TAC3: variants seen among roughly 807,000 people sequenced by gnomAD.
TAC3 encodes the protein tachykinin-3.
Under a neutral mutation model 16.5 loss-of-function variants are expected in TAC3, and 9 were observed. The observed-to-expected ratio is 0.55, with a 90% CI of 0.33 to 0.95. TAC3 has a LOEUF of 0.95. Among genes scored for constraint, TAC3 ranks in the 40% least tolerant of loss-of-function variants. TAC3 has a pLI of 0.03. For synonymous variants in TAC3, 52 were observed against 56.7 expected (o/e 0.92, Z 0.37); for missense variants, 129 against 149.1 (o/e 0.87, Z 0.70).
chr12:57,012,937 A>G, intron 4 of TAC3, 62 bp from the exon 5 acceptor site: 1 of 1,598,672 alleles, frequency 6.3e-7, no homozygotes, highest in Non-Finnish European at 8.6e-7. Flanking sequence ...CTCCCCAGAC[A>G]TGGGTCAACA....
In TAC3 at chr12:57,015,722, G is replaced by T. The variant is rs1246643864; in HGVS notation, c.76C>A (p.Pro26Thr). The change falls in exon 2 of 7, where the codon CCA becomes ACA. Residue 26 changes from proline to threonine, a missense_variant. Coordinates refer to ENST00000458521, the MANE Select transcript of TAC3 (RefSeq NM_013251.4). The stretch of plus-strand genomic sequence containing the variant: ...CCGCCAGGAACCACCTCCTCCTGTG[G>T]CTCCTTACAGACAGCCCCAAAGCTC... Reference protein sequence around the residue: ...AQSFGAVCKEPQEEVVPGGGR... With the variant: ...AQSFGAVCKETQEEVVPGGGR... The T allele has an allele frequency of 6.2e-7, 1 of 1,614,080 alleles. No individual in the cohort carries two copies. Among genetic ancestry groups the T allele is most frequent in the Non-Finnish European group, 8.5e-7 (1 of 1,180,006 alleles).
At chr12:57,012,498 T>A in intron 5 of TAC3, 46 bp from the exon 6 acceptor site, 1 of 1,610,996 alleles carries the variant, frequency 6.2e-7, no homozygotes, top group Non-Finnish European at 8.5e-7. Flanking sequence ...TTTCTGAATG[T>A]GAACTACACC....
At position 57,013,366 on chromosome 12, in the gene TAC3, G is replaced by A. The variant is rs201828127; in HGVS notation, c.231C>T (p.Pro77=). 7.9e-5 allele frequency: 128 copies of A among 1,613,928 alleles called. No individual in the cohort carries two copies. The highest frequency in any genetic ancestry group is 9.7e-5 in the Non-Finnish European group (114 of 1,179,942). ...ASTDPKESTS[P]EKRDMHDFFV... is the part of the protein sequence containing the mutation. ...GGAGAAGAGGGTACTTACGTTTCTCGGGAGATGTTGATTCCTTAGGATCTG... is the reference window on the plus strand; with the variant it reads ...GGAGAAGAGGGTACTTACGTTTCTCAGGAGATGTTGATTCCTTAGGATCTG... The change falls in exon 4 of 7, where the codon CCC becomes CCT. Residue 77 remains proline (P), a synonymous_variant. Coordinates refer to ENST00000458521, the MANE Select transcript of TAC3 (RefSeq NM_013251.4).
rs980949400 is a variant in TAC3 at position 57,010,095 on chromosome 12, A to G, written c.*195T>C. 9 of 454,002 alleles carry G rather than the reference A, an allele frequency of 2.0e-5. No homozygotes were observed. Among genetic ancestry groups the G allele is most frequent in the African/African-American group, 1.8e-4 (9 of 49,998 alleles). 28.1% of individuals were successfully genotyped at this position (454,002 alleles called of 1,614,324 possible). A position where few individuals can be genotyped will look rare whatever the true frequency, so the allele number is the denominator to read the frequency against. ...GGAACTCTAGGGTATTCTACAGTCA[A>G]TGCCCATTGGGGTTGGGGATATTCA... On this transcript the variant is annotated 3_prime_UTR_variant, in exon 7 of 7. Transcript: ENST00000458521.
intron 3 of TAC3, 94 bp from the exon 4 acceptor site, chr12:57,013,482 T>C (rs1956330420): frequency 8.8e-6 from 14 of 1,591,058 alleles, no homozygotes; most frequent in Admixed American, 1.7e-5. Context: ...TTCACTAAGC[T>C]ATCCCCCATC....
At chr12:57,011,527 T>C (rs1347118879) in intron 6 of TAC3, among the ~76,000 whole-genome samples, 2 of 152,186 alleles carry the variant, frequency 1.3e-5, no homozygotes, top group Non-Finnish European at 2.9e-5. Context: ...GTGAGGAATT[T>C]GTCAGCCCAC....
intron 2 of TAC3, 83 bp downstream of exon 2, chr12:57,015,601 C>G: frequency 1.6e-6 from 2 of 1,269,856 alleles, no homozygotes; most frequent in African/African-American, 2.9e-5. Context: ...CCCCCCCACC[C>G]CAGTTTCCTC....
At chr12:57,014,367 CCT>C (rs1956344663) in intron 2 of TAC3, among the ~76,000 whole-genome samples, 1 of 152,128 alleles carries the variant, frequency 6.6e-6, no homozygotes, top group South Asian at 2.1e-4. Context: ...CTCAGCAGCG[CCT>C]CTCTTTCCAG....
At chr12:57,012,153 G>A (rs1377531908) in intron 6 of TAC3, 2 of 564,646 alleles carry the variant, frequency 3.5e-6, no homozygotes, top group Non-Finnish European at 6.4e-6. Context: ...ATAGTCAGCT[G>A]CCGTCCATGA....
intron 6 of TAC3, among the ~76,000 whole-genome samples, chr12:57,011,263 G>T (rs945960079): frequency 2.6e-5 from 4 of 152,148 alleles, no homozygotes; most frequent in African/African-American, 9.7e-5. Context: ...TGGGTCTTGG[G>T]CGTGCCACCT....
At chr12:57,013,449 G>A in intron 3 of TAC3, 61 bp from the exon 4 acceptor site, 3 of 1,606,718 alleles carry the variant, frequency 1.9e-6, no homozygotes, top group Non-Finnish European at 2.6e-6. Flanking sequence ...TGAGAGCGGG[G>A]TTCAGATCAC....
intron 2 of TAC3, among the ~76,000 whole-genome samples, chr12:57,015,263 T>C (rs1322693101): frequency 1.3e-5 from 2 of 152,072 alleles, no homozygotes; most frequent in Non-Finnish European, 2.9e-5. Flanking sequence ...ATAGGTAAAA[T>C]AGCACACAAA....
rs765939140 is a variant in TAC3 at position 57,016,443 on chromosome 12, T to C, written c.-62A>G. ...GGTCTGGCAGGATCAAGGAACTGGCTAGGACCGCTGCCTGCTCCCCTCACA... is the reference window on the plus strand; with the variant it reads ...GGTCTGGCAGGATCAAGGAACTGGCCAGGACCGCTGCCTGCTCCCCTCACA... On this transcript the variant is annotated 5_prime_UTR_variant, in exon 1 of 7. Transcript: ENST00000458521. The C allele has an allele frequency of 1.5e-5, 7 of 454,452 alleles. No homozygotes were observed. The highest frequency in any genetic ancestry group is 9.3e-5 in the South Asian group (6 of 64,470). 28.2% of individuals were successfully genotyped at this position (454,452 alleles called of 1,614,324 possible).
At chr12:57,012,544 G>A in intron 5 of TAC3, 92 bp from the exon 6 acceptor site, 1 of 1,601,822 alleles carries the variant, frequency 6.2e-7, no homozygotes, top group Non-Finnish European at 8.5e-7. Flanking sequence ...ATGACGGGCA[G>A]TGTTCAAAGA....
In TAC3 at chr12:57,015,697, C is replaced by T; in HGVS notation, c.101G>A (p.Gly34Glu). 6.2e-7 allele frequency: 1 copy of T among 1,613,900 alleles called. No individual in the cohort carries two copies. Among genetic ancestry groups the T allele is most frequent in the Non-Finnish European group, 8.5e-7 (1 of 1,179,996 alleles). Residue 34 changes from glycine to glutamate, a missense_variant, in exon 2 of 7, where the codon GGG becomes GAG. Transcript: ENST00000458521. ...GGGGAGACTTACCTTGCTGCGGCCC[C>T]CGCCAGGAACCACCTCCTCCTGTGG... ...KEPQEEVVPG[G>E]GRSKRDPDLY...
intron 6 of TAC3, 52 bp downstream of exon 6, chr12:57,012,326 C>A (rs1956310011): frequency 6.6e-7 from 1 of 1,524,396 alleles, no homozygotes; most frequent in South Asian, 1.2e-5. Context: ...GCTGGCAACC[C>A]CCACAGCCCC....
At chr12:57,012,744 A>G in intron 5 of TAC3, 78 bp downstream of exon 5, 5 of 1,613,824 alleles carry the variant, frequency 3.1e-6, no homozygotes, top group Non-Finnish European at 4.2e-6. Context: ...CCCTCTGGTG[A>G]CAAATATGAG....
intron 4 of TAC3, 64 bp from the exon 5 acceptor site, chr12:57,012,939 G>A: frequency 1.3e-6 from 2 of 1,596,872 alleles, no homozygotes; most frequent in Admixed American, 3.3e-5. Context: ...CCCCAGACAT[G>A]GGTCAACACT....
At chr12:57,015,912 C>T (rs1956367553) in intron 1 of TAC3, 110 bp from the exon 2 acceptor site, 2 of 871,626 alleles carry the variant, frequency 2.3e-6, no homozygotes, top group Non-Finnish European at 3.7e-6. Context: ...ACCCTGCTTC[C>T]CCAGCCCCCA....
Sources: gnomAD v4.1 joint callset for allele counts (sites outside exome capture counted in the v4.1 genomes callset) on GRCh38, gnomAD v4.1.1 for gene constraint, MANE v1.5 for transcripts, NCBI Gene and HGNC (gene_info 2026-07-23, HGNC 2026-07-21) for gene names.